Variants in TET2 observed in about 807,000 individuals in gnomAD.
TET2 encodes methylcytosine dioxygenase TET2.
TET2 carries 299 observed loss-of-function variants against 142.9 expected under a neutral mutation model. That is an observed-to-expected ratio of 2.09 (90% CI 1.90 to 2.30). The LOEUF (loss-of-function observed/expected upper bound fraction) is 2.30, where lower values mean the gene tolerates loss of function less well. TET2 is among the 30% of genes most tolerant of loss of function. The pLI, the probability that TET2 is intolerant of heterozygous loss-of-function variation, is 0.00. For missense variants in TET2, 2,418 were observed against 2,378.0 expected (o/e 1.02, Z -0.35); for synonymous variants, 819 against 849.0 (o/e 0.96, Z 0.61).
At position 105,153,110 on chromosome 4, in the gene TET2, T is replaced by C. The variant is rs576935497; in HGVS notation, c.-193+6131T>C. ...TTAATTGAAATATTTTTTGAGTTAATTATAGATTCATATGCCATTGTATGA... is the reference window on the plus strand; with the variant it reads ...TTAATTGAAATATTTTTTGAGTTAACTATAGATTCATATGCCATTGTATGA... On this transcript the variant is annotated intron_variant, in intron 1 of 10. Coordinates refer to ENST00000380013, the MANE Select transcript of TET2 (RefSeq NM_001127208.3). Among the ~76,000 whole-genome samples, 10 of 152,342 alleles carry C rather than the reference T, an allele frequency of 6.6e-5. No individual in the cohort carries two copies. In the South Asian group the frequency reaches 2.1e-3, roughly 32 times the overall value.
In TET2 at chr4:105,195,452, A is replaced by G. The variant is rs887112032; in HGVS notation, c.-47+4947A>G. The stretch of plus-strand genomic sequence containing the variant: ...GAAGAATCTATGATCATATAATTAC[A>G]GTTGTCCTTCAGTATCTGTGGGAGA... On this transcript the variant is annotated intron_variant, in intron 2 of 10. Coordinates refer to ENST00000380013, the MANE Select transcript of TET2 (RefSeq NM_001127208.3). Among the ~76,000 whole-genome samples, 24 of 152,194 alleles carry G rather than the reference A, an allele frequency of 1.6e-4. 1 individual carries two copies. Among genetic ancestry groups the G allele is most frequent in the Non-Finnish European group, 2.9e-5 (2 of 68,026 alleles).
At chr4:105,270,850 T>A (rs920353659) in intron 9 of TET2, among the ~76,000 whole-genome samples, 6 of 152,120 alleles carry the variant, frequency 3.9e-5, no homozygotes, top group African/African-American at 1.2e-4. Flanking sequence ...TTGAAGAAGA[T>A]GGTCAGTGAG....
chr4:105,266,195 C>T (rs1011761843), intron 8 of TET2, among the ~76,000 whole-genome samples: 5 of 152,058 alleles, frequency 3.3e-5, no homozygotes, highest in Non-Finnish European at 5.9e-5. Context: ...ACCAGCCAGA[C>T]GGAGAAGACT....
intron 2 of TET2, among the ~76,000 whole-genome samples, chr4:105,200,596 C>T (rs1726395198): frequency 6.6e-6 from 1 of 151,750 alleles, no homozygotes; most frequent in South Asian, 2.1e-4. Context: ...CTGATATAAG[C>T]ATATGTTTAA....
At chr4:105,154,990 A>G (rs1231534311) in intron 1 of TET2, among the ~76,000 whole-genome samples, 4 of 152,156 alleles carry the variant, frequency 2.6e-5, no homozygotes, top group African/African-American at 9.7e-5. Flanking sequence ...GTGCCCCCAC[A>G]CTTCAGCCTG....
rs548410171 is a variant in TET2, at chr4:105,190,401, C to T, written c.-151C>T. The T allele has an allele frequency of 2.0e-5, 14 of 693,406 alleles. No individual in the cohort carries two copies. In the African/African-American group the frequency reaches 2.3e-4, roughly 11 times the overall value. The allele number at this position is 693,406 out of a possible 1,614,324, so 43.0% of individuals were successfully genotyped here. On this transcript the variant is annotated 5_prime_UTR_variant, in exon 2 of 11. Coordinates refer to ENST00000380013, the MANE Select transcript of TET2 (RefSeq NM_001127208.3). ...CAGCACACCCTCTCAAGATTGTTTACTTGCCTTTGCTCCTGTTGAGTTACA... is the reference window on the plus strand; with the variant it reads ...CAGCACACCCTCTCAAGATTGTTTATTTGCCTTTGCTCCTGTTGAGTTACA...
At chr4:105,158,820 AAAG>A (rs1451797333) in intron 1 of TET2, among the ~76,000 whole-genome samples, 1 of 152,056 alleles carries the variant, frequency 6.6e-6, no homozygotes, top group Non-Finnish European at 1.5e-5. Context: ...GGAAAAAAAA[AAAG>A]AAAGAAAAGA....
chr4:105,196,981 G>C (rs115724987), intron 2 of TET2, among the ~76,000 whole-genome samples: 5 of 152,166 alleles, frequency 3.3e-5, no homozygotes, highest in Non-Finnish European at 7.3e-5. Flanking sequence ...CCACTAAGTG[G>C]AGGGAAGAGG....
intron 1 of TET2, among the ~76,000 whole-genome samples, chr4:105,147,270 G>A (rs1174843446): frequency 6.6e-6 from 1 of 152,192 alleles, no homozygotes; most frequent in African/African-American, 2.4e-5. Flanking sequence ...CCGGTTTCCC[G>A]GCCTTTTTTA....
chr4:105,274,461 C>G (rs920605435), intron 10 of TET2, among the ~76,000 whole-genome samples: 2 of 151,912 alleles, frequency 1.3e-5, no homozygotes, highest in Admixed American at 6.6e-5. Flanking sequence ...CACAACATTC[C>G]CGAATCTTAC....
In TET2 at chr4:105,272,777, CAAAG is replaced by C; in HGVS notation, c.4397_4400del (p.Gln1466ArgfsTer3). On this transcript the variant is annotated frameshift_variant, in exon 10 of 11. Transcript: ENST00000380013. LOFTEE classifies it high-confidence loss of function. ...AGCAGAGCCAGTCAAGACTTGCCGA[CAAAG>C]GAAACTAGAAGCCAAGAAAGCTGCA... 1 of 1,551,576 alleles carries C rather than the reference CAAAG, an allele frequency of 6.4e-7. No homozygotes were observed. The highest frequency in any genetic ancestry group is 8.7e-7 in the Non-Finnish European group (1 of 1,146,956).
chr4:105,204,149 G>A (rs1288083157), intron 2 of TET2, among the ~76,000 whole-genome samples: 2 of 151,118 alleles, frequency 1.3e-5, no homozygotes, highest in African/African-American at 4.9e-5. Flanking sequence ...AGTGAGTTGA[G>A]TTCGCGTCAC....
intron 6 of TET2, among the ~76,000 whole-genome samples, chr4:105,254,583 T>A (rs1730029833): frequency 6.6e-6 from 1 of 152,012 alleles, no homozygotes; most frequent in African/African-American, 2.4e-5. Context: ...GGCTAATTTT[T>A]TTATTATTAT....
intron 2 of TET2, chr4:105,190,846 G>A (rs989464095): frequency 9.0e-5 from 18 of 200,026 alleles, no homozygotes; most frequent in African/African-American, 3.5e-4. Flanking sequence ...AGTATTTATC[G>A]CCTCCATTTT....
At chr4:105,171,260 G>T (rs947694266) in intron 1 of TET2, 2 of 151,912 alleles carry the variant, frequency 1.3e-5, no homozygotes, top group African/African-American at 4.8e-5. Flanking sequence ...TTATCTAGTG[G>T]ATGTAGACCA....
At chr4:105,196,990 G>A (rs906882391) in intron 2 of TET2, among the ~76,000 whole-genome samples, 1 of 152,120 alleles carries the variant, frequency 6.6e-6, no homozygotes, top group Non-Finnish European at 1.5e-5. Context: ...GGAGGGAAGA[G>A]GTGTGGGAGT....
Position 105,205,913 on chromosome 4 carries a change from C to T in TET2, c.-47+15408C>T, listed in dbSNP as rs945087352. ...CCTCCTAAAGTGCTAGGATTACAGG[C>T]GTGAGCCACCACACCCAGCCGAAAA... On this transcript the variant is annotated intron_variant, in intron 2 of 10. Transcript: ENST00000380013. 3.3e-5 allele frequency among the ~76,000 whole-genome samples: 5 copies of T among 152,166 alleles called. 1 individual carries two copies. Among genetic ancestry groups the T allele is most frequent in the Admixed American group, 2.0e-4 (3 of 15,266 alleles).
At chr4:105,181,413 G>A (rs867282960) in intron 1 of TET2, among the ~76,000 whole-genome samples, 1 of 152,190 alleles carries the variant, frequency 6.6e-6, no homozygotes, top group Non-Finnish European at 1.5e-5. Flanking sequence ...TCTTAGAAGA[G>A]CTGGTGATAG....
chr4:105,260,050 G>A (rs1730346288), intron 7 of TET2, among the ~76,000 whole-genome samples: 1 of 151,998 alleles, frequency 6.6e-6, no homozygotes, highest in South Asian at 2.1e-4. Context: ...AATTGGTGAT[G>A]TTTTTCATAT....
Sources: allele counts gnomAD v4.1 joint callset (sites outside exome capture counted in the v4.1 genomes callset), GRCh38; gene constraint gnomAD v4.1.1; transcripts MANE v1.5; gene names NCBI Gene and HGNC (gene_info 2026-07-23, HGNC 2026-07-21).